TENM4: variants seen among roughly 807,000 people sequenced by gnomAD.
TENM4 encodes teneurin-4.
TENM4 carries 82 observed loss-of-function variants against 243.3 expected under a neutral mutation model. That is an observed-to-expected ratio of 0.34 (90% CI 0.28 to 0.40). TENM4 has a LOEUF of 0.40. Ranked by LOEUF, TENM4 falls within the 10% of genes least tolerant of loss-of-function variation. The probability of loss-of-function intolerance (pLI) is 1.00; values close to 1 mark genes in which losing one functional copy is unlikely to be tolerated. For missense variants in TENM4, 3,138 were observed against 3,673.3 expected (o/e 0.85, Z 3.77); for synonymous variants, 1,412 against 1,456.3 (o/e 0.97, Z 0.69).
intron 17 of TENM4, among the ~76,000 whole-genome samples, 154 bp from the exon 18 acceptor site, chr11:78,771,292 T>A (rs1251298741): frequency 6.6e-6 from 1 of 152,146 alleles, no homozygotes; most frequent in Non-Finnish European, 1.5e-5. Flanking sequence ...CATTAGGAAT[T>A]GCCACTTTAC....
At chr11:79,370,168 G>C (rs1041398968) in intron 1 of TENM4, among the ~76,000 whole-genome samples, 1 of 152,250 alleles carries the variant, frequency 6.6e-6, no homozygotes, top group Non-Finnish European at 1.5e-5. Context: ...AGAGGCCCCA[G>C]GTTCCCTGAG....
chr11:79,016,335 T>A, intron 6 of TENM4, among the ~76,000 whole-genome samples: 1 of 152,140 alleles, frequency 6.6e-6, no homozygotes, highest in South Asian at 2.1e-4. Flanking sequence ...CCAACAGGAC[T>A]TGTTGGTGAT....
At chr11:79,398,044 A>G (rs1270192942) in intron 1 of TENM4, among the ~76,000 whole-genome samples, 2 of 152,226 alleles carry the variant, frequency 1.3e-5, no homozygotes, top group Admixed American at 1.3e-4. Flanking sequence ...AAATGAATGA[A>G]TTTACATATG....
chr11:79,316,812 C>T (rs765505905), intron 1 of TENM4, among the ~76,000 whole-genome samples: 26 of 152,208 alleles, frequency 1.7e-4, no homozygotes, highest in Non-Finnish European at 2.6e-4. Context: ...CTGCCCACCA[C>T]CAACCAAAAA....
intron 6 of TENM4, among the ~76,000 whole-genome samples, chr11:78,994,890 T>C (rs1346323783): frequency 1.3e-5 from 2 of 152,228 alleles, no homozygotes; most frequent in Non-Finnish European, 2.9e-5. Flanking sequence ...CGGATGCCTA[T>C]TCTGTGCAAA....
At chr11:79,091,732 A>T (rs1860957995) in intron 4 of TENM4, among the ~76,000 whole-genome samples, 1 of 152,168 alleles carries the variant, frequency 6.6e-6, no homozygotes, top group Non-Finnish European at 1.5e-5. Context: ...CAGGATGCCA[A>T]CACAGACCTT....
At chr11:79,126,265 G>C (rs973072613) in intron 4 of TENM4, among the ~76,000 whole-genome samples, 5 of 152,192 alleles carry the variant, frequency 3.3e-5, no homozygotes, top group African/African-American at 9.7e-5. Flanking sequence ...ACTCATCCCA[G>C]TTGGGAGGGT....
chr11:79,082,690 G>A (rs1860706271), intron 4 of TENM4, among the ~76,000 whole-genome samples: 1 of 152,280 alleles, frequency 6.6e-6, no homozygotes, highest in South Asian at 2.1e-4. Flanking sequence ...GTGTGACTAT[G>A]GGTCCTCACA....
chr11:79,057,466 T>C (rs1344496670), intron 6 of TENM4, among the ~76,000 whole-genome samples: 1 of 152,182 alleles, frequency 6.6e-6, no homozygotes, highest in Non-Finnish European at 1.5e-5. Flanking sequence ...AAATGTCACC[T>C]TCTCTGTGAA....
At chr11:78,966,980 G>A (rs1465507611) in intron 6 of TENM4, among the ~76,000 whole-genome samples, 1 of 152,132 alleles carries the variant, frequency 6.6e-6, no homozygotes, top group Admixed American at 6.6e-5. Context: ...TTTTGCCTCT[G>A]AGCTTTTGCA....
chr11:79,010,358 C>T (rs1387202839), intron 6 of TENM4, among the ~76,000 whole-genome samples: 2 of 152,062 alleles, frequency 1.3e-5, no homozygotes, highest in Non-Finnish European at 2.9e-5. Flanking sequence ...AGAGTAAGTA[C>T]TTTGGGCCAC....
intron 1 of TENM4, chr11:79,422,274 CACACACACA>C (rs1339705441): frequency 3.3e-5 from 5 of 151,748 alleles, no homozygotes; most frequent in Non-Finnish European, 5.9e-5. Context: ...CACACACACA[CACACACACA>C]GAGTAAAGGA....
At chr11:78,951,499 A>C (rs1857107660) in intron 6 of TENM4, among the ~76,000 whole-genome samples, 1 of 152,208 alleles carries the variant, frequency 6.6e-6, no homozygotes, top group African/African-American at 2.4e-5. Context: ...TGCTGTACCA[A>C]AATTCCATAG....
At chr11:79,261,262 A>C (rs2135324805) in intron 2 of TENM4, among the ~76,000 whole-genome samples, 1 of 152,256 alleles carries the variant, frequency 6.6e-6, no homozygotes, top group South Asian at 2.1e-4. Context: ...AGAAAAACTG[A>C]GCTGAACTAG....
chr11:78,805,418 C>T lies in TENM4; in HGVS notation c.2053G>A (p.Gly685Arg). The T allele has an allele frequency of 6.2e-7, 1 of 1,603,734 alleles. No individual in the cohort carries two copies. Among genetic ancestry groups the T allele is most frequent in the Non-Finnish European group, 8.5e-7 (1 of 1,175,204 alleles). Residue 685 changes from glycine to arginine, a missense_variant, in exon 15 of 34, where the codon GGA (glycine) becomes AGA (arginine). By Grantham distance (125) the Gly-to-Arg change is moderately radical. Transcript: ENST00000278550. ...CTGGGGGTCTCGCAGTTGGTGCCTC[C>T]CCATCCCACAGAGCAGTGGCATTCG... ...RGECHCSVGW[G>R]GTNCETPRAT...
chr11:79,043,414 C>G (rs1008301816), intron 6 of TENM4, among the ~76,000 whole-genome samples: 7 of 152,084 alleles, frequency 4.6e-5, no homozygotes, highest in African/African-American at 1.7e-4. Flanking sequence ...GCCAAAAAGG[C>G]TATTTGCTCC....
At chr11:78,677,309 G>C (rs894123332) in intron 29 of TENM4, among the ~76,000 whole-genome samples, 2 of 147,224 alleles carry the variant, frequency 1.4e-5, no homozygotes, top group Non-Finnish European at 3.0e-5. Context: ...TAGTGCAGTA[G>C]TACAATGTGA....
At chr11:79,127,599 CAGGGGT>C (rs1233870645) in intron 4 of TENM4, among the ~76,000 whole-genome samples, 1 of 152,212 alleles carries the variant, frequency 6.6e-6, no homozygotes, top group Non-Finnish European at 1.5e-5. Flanking sequence ...TGTCCTACCT[CAGGGGT>C]ATATCAACTC....
chr11:79,296,954 GC>G (rs1156341569), intron 2 of TENM4, among the ~76,000 whole-genome samples: 5 of 152,212 alleles, frequency 3.3e-5, no homozygotes, highest in Admixed American at 1.3e-4. Context: ...TCAGTGCCCA[GC>G]GCCGAGACTG....
Sources: allele counts gnomAD v4.1 joint callset (sites outside exome capture counted in the v4.1 genomes callset), GRCh38; gene constraint gnomAD v4.1.1; transcripts MANE v1.5; gene names NCBI Gene and HGNC (gene_info 2026-07-23, HGNC 2026-07-21).